The following ABTB3 variants were observed in gnomAD, a reference collection of about 807,000 sequenced individuals.
The protein encoded by ABTB3 is ankyrin repeat- and BTB/POZ domain-containing protein 3.
At chr12:107,460,387 G>T in the ABTB3 span, among the ~76,000 whole-genome samples, 2 of 152,234 alleles carry the variant, frequency 1.3e-5, no homozygotes, top group Non-Finnish European at 2.9e-5. Context: ...GGGCGTGGTG[G>T]CTCATGCCTG....
chr12:107,653,981 C>T, the ABTB3 span, among the ~76,000 whole-genome samples: 1 of 152,158 alleles, frequency 6.6e-6, no homozygotes, highest in African/African-American at 2.4e-5. Flanking sequence ...TACCATTCTA[C>T]TTCCTGTCTC....
the ABTB3 span, among the ~76,000 whole-genome samples, chr12:107,581,934 G>A: frequency 1.2e-3 from 185 of 152,266 alleles, 5 homozygotes; most frequent in South Asian, 0.037. Context: ...GCGCGTGCAC[G>A]CACACGAACA....
chr12:107,458,773 A>G, the ABTB3 span, among the ~76,000 whole-genome samples: 1 of 152,114 alleles, frequency 6.6e-6, no homozygotes, highest in Non-Finnish European at 1.5e-5. Context: ...AGCTCTCCTC[A>G]CCACCAGCTT....
chr12:107,448,706 T>C, the ABTB3 span, among the ~76,000 whole-genome samples: 5 of 151,454 alleles, frequency 3.3e-5, no homozygotes, highest in Admixed American at 2.0e-4. Flanking sequence ...AGTGGCACAA[T>C]CTTGGCTCAC....
At chr12:107,319,707 G>A in the ABTB3 span, 1 of 1,533,322 alleles carries the variant, frequency 6.5e-7, no homozygotes, top group African/African-American at 1.4e-5. Context: ...GTGGCCTCCG[G>A]GGTGCCCCGG....
chr12:107,469,940 T>TCTCTC, the ABTB3 span, among the ~76,000 whole-genome samples: 3 of 59,586 alleles, frequency 5.0e-5, no homozygotes, highest in Non-Finnish European at 6.5e-5. Flanking sequence ...CTCTCTTTCT[T>TCTCTC]TCTCTTTCTT....
the ABTB3 span, among the ~76,000 whole-genome samples, chr12:107,374,188 T>G: frequency 6.6e-6 from 1 of 152,136 alleles, no homozygotes; most frequent in East Asian, 1.9e-4. Flanking sequence ...ACTTCTTTGT[T>G]CTCCCCTCTG....
the ABTB3 span, chr12:107,617,150 C>T: frequency 6.2e-6 from 10 of 1,614,162 alleles, no homozygotes; most frequent in Non-Finnish European, 4.2e-6. Flanking sequence ...GAGAACTACT[C>T]GGAAACACCC....
the ABTB3 span, among the ~76,000 whole-genome samples, chr12:107,633,971 G>C: frequency 3.3e-5 from 5 of 152,222 alleles, no homozygotes; most frequent in Admixed American, 1.3e-4. Context: ...CCGATAGGCA[G>C]GCAGTTATTT....
chr12:107,450,925 A>G, the ABTB3 span, among the ~76,000 whole-genome samples: 1 of 151,532 alleles, frequency 6.6e-6, no homozygotes, highest in Admixed American at 6.6e-5. Flanking sequence ...CAACATACTC[A>G]TTATAGTAGG....
the ABTB3 span, among the ~76,000 whole-genome samples, chr12:107,459,924 A>G: frequency 1.3e-5 from 2 of 152,112 alleles, no homozygotes. Flanking sequence ...TTCATCTCTC[A>G]GTGACTCTAA....
chr12:107,357,244 T>C, the ABTB3 span, among the ~76,000 whole-genome samples: 1 of 152,212 alleles, frequency 6.6e-6, no homozygotes, highest in Non-Finnish European at 1.5e-5. Context: ...ACACCTGTGC[T>C]CCCACCTCCA....
chr12:107,319,578 T>C, the ABTB3 span: 1 of 1,539,716 alleles, frequency 6.5e-7, no homozygotes, highest in Non-Finnish European at 8.7e-7. Context: ...ACCTTCTCCG[T>C]GGGCCGCGTG....
the ABTB3 span, among the ~76,000 whole-genome samples, chr12:107,378,492 G>A: frequency 6.6e-6 from 1 of 152,216 alleles, no homozygotes; most frequent in African/African-American, 2.4e-5. Flanking sequence ...GAGGCTCTGG[G>A]AGCATAGGTA....
At chr12:107,420,317 T>G in the ABTB3 span, among the ~76,000 whole-genome samples, 1 of 152,166 alleles carries the variant, frequency 6.6e-6, no homozygotes, top group Non-Finnish European at 1.5e-5. Flanking sequence ...TACCTGAGAC[T>G]GGGTAATTTA....
At chr12:107,591,418 G>A in the ABTB3 span, among the ~76,000 whole-genome samples, 21,983 of 152,132 alleles carry the variant, frequency 0.14, 1,722 homozygotes, top group East Asian at 0.29. Context: ...GAAGTAGGCT[G>A]GTCTTACATA....
the ABTB3 span, chr12:107,320,086 G>C: frequency 1.4e-6 from 2 of 1,443,198 alleles, no homozygotes; most frequent in Admixed American, 4.2e-5. Flanking sequence ...GTAAGTGTCT[G>C]CGCGGGTGCC....
the ABTB3 span, among the ~76,000 whole-genome samples, chr12:107,449,588 C>T: frequency 6.6e-6 from 1 of 152,078 alleles, no homozygotes; most frequent in South Asian, 2.1e-4. Context: ...TGTCTGAGTA[C>T]CCTTAGCCAT....
the ABTB3 span, chr12:107,320,056 C>G: frequency 6.6e-7 from 1 of 1,509,362 alleles, no homozygotes; most frequent in Non-Finnish European, 8.9e-7. Context: ...AGCACCTGAT[C>G]TGCGGGAAGA....
Sources: allele counts gnomAD v4.1 joint callset (sites outside exome capture counted in the v4.1 genomes callset), GRCh38; gene constraint gnomAD v4.1.1; transcripts MANE v1.5; gene names NCBI Gene and HGNC (gene_info 2026-07-23, HGNC 2026-07-21).